NEK7: variants seen among roughly 807,000 people sequenced by gnomAD.
The protein encoded by NEK7 is serine/threonine-protein kinase Nek7.
A neutral mutation model predicts 44.6 loss-of-function variants in NEK7; 18 were observed. The observed-to-expected ratio is 0.40, with a 90% CI of 0.28 to 0.60. The LOEUF (loss-of-function observed/expected upper bound fraction) is 0.60. Among genes scored for constraint, NEK7 ranks in the 20% least tolerant of loss-of-function variants. The pLI is 0.38. For missense variants in NEK7, 256 were observed against 366.5 expected (o/e 0.70, Z 2.46); for synonymous variants, 130 against 121.1 (o/e 1.07, Z -0.48).
chr1:198,221,807 A>G (rs1028490998), intron 1 of NEK7, among the ~76,000 whole-genome samples: 15 of 152,008 alleles, frequency 9.9e-5, no homozygotes. Context: ...GCTGATAATT[A>G]TCTTAGGATT....
rs1310646463 is a variant in NEK7 at position 198,321,493 on chromosome 1, C to T, written c.*1971C>T. On this transcript the variant is annotated 3_prime_UTR_variant, in exon 10 of 10. Transcript: ENST00000367385. The stretch of plus-strand genomic sequence containing the variant: ...AACAGATACTCTCTTTTTTTTCTTG[C>T]AATCTTTAAGAATACATAGATCTAA... 6.6e-6 allele frequency: 1 copy of T among 151,822 alleles called. No individual in the cohort carries two copies. Among genetic ancestry groups the T allele is most frequent in the Non-Finnish European group, 1.5e-5 (1 of 67,914 alleles). 9.4% of individuals were successfully genotyped at this position (151,822 alleles called of 1,614,324 possible). A position where few individuals can be genotyped will look rare whatever the true frequency, so the allele number is the denominator to read the frequency against.
At chr1:198,231,299 GTGTATATATATA>G (rs547100581) in intron 1 of NEK7, among the ~76,000 whole-genome samples, 9,484 of 98,272 alleles carry the variant, frequency 0.097, 503 homozygotes, top group East Asian at 0.3. Context: ...GTATGTGTGT[GTGTATATATATA>G]TATATATATA....
In NEK7 at chr1:198,293,010, A is replaced by G; in HGVS notation, c.655A>G (p.Ile219Val). The change falls in exon 8 of 10, where the codon ATC becomes GTC. Residue 219 changes from isoleucine to valine, a missense_variant. Transcript: ENST00000367385. ...AAATGGATACAACTTCAAATCTGAC[A>G]TCTGGTCTCTTGGCTGTCTACTATA... ...HENGYNFKSD[I>V]WSLGCLLYEM... 1.3e-6 allele frequency: 2 copies of G among 1,593,338 alleles called. No homozygotes were observed. The highest frequency in any genetic ancestry group is 1.7e-6 in the Non-Finnish European group (2 of 1,161,522).
chr1:198,262,692 A>G (rs752085666), intron 4 of NEK7, 55 bp downstream of exon 4: 6 of 1,063,584 alleles, frequency 5.6e-6, no homozygotes, highest in Non-Finnish European at 8.3e-6. Context: ...AAAGTGATTT[A>G]CTAAAATATC....
chr1:198,222,737 C>T (rs12087183), intron 1 of NEK7, among the ~76,000 whole-genome samples: 19,894 of 152,016 alleles, frequency 0.13, 1,990 homozygotes, highest in East Asian at 0.57. Context: ...CTGATGAATA[C>T]AGCAGGGAAC....
At chr1:198,292,448 G>A (rs891457236) in intron 7 of NEK7, among the ~76,000 whole-genome samples, 5 of 151,916 alleles carry the variant, frequency 3.3e-5, no homozygotes, top group Admixed American at 1.3e-4. Context: ...AAGGCATCAA[G>A]TGTTATATCA....
intron 1 of NEK7, among the ~76,000 whole-genome samples, chr1:198,159,070 A>G (rs1664011068): frequency 6.6e-6 from 1 of 152,162 alleles, no homozygotes; most frequent in Non-Finnish European, 1.5e-5. Context: ...GGAGCCCGGG[A>G]GCCCGGAGGA....
chr1:198,306,719 T>G (rs1048300818), intron 9 of NEK7, among the ~76,000 whole-genome samples: 2 of 152,172 alleles, frequency 1.3e-5, no homozygotes, highest in Admixed American at 6.6e-5. Flanking sequence ...TTAAACCAAA[T>G]TATTAACATT....
At chr1:198,176,964 G>T (rs1664621499) in intron 1 of NEK7, among the ~76,000 whole-genome samples, 1 of 152,042 alleles carries the variant, frequency 6.6e-6, no homozygotes, top group African/African-American at 2.4e-5. Flanking sequence ...GGAGCTACAG[G>T]TTTATAAATC....
At chr1:198,225,013 C>T (rs1462727461) in intron 1 of NEK7, among the ~76,000 whole-genome samples, 1 of 151,914 alleles carries the variant, frequency 6.6e-6, no homozygotes, top group Non-Finnish European at 1.5e-5. Flanking sequence ...AGTGAAGATA[C>T]AAATTTCAGA....
intron 9 of NEK7, among the ~76,000 whole-genome samples, chr1:198,313,727 G>T (rs561402672): frequency 2.7e-5 from 3 of 112,850 alleles, no homozygotes; most frequent in African/African-American, 1.3e-4. Context: ...ATGAAATTCT[G>T]GGTTGAAAAT....
chr1:198,313,555 G>C (rs7541005), intron 9 of NEK7, among the ~76,000 whole-genome samples: 51,469 of 116,804 alleles, frequency 0.44, 14,001 homozygotes, highest in East Asian at 0.87. Flanking sequence ...TACATTTTGG[G>C]ATGATTTTGC....
At chr1:198,319,386 G>T (rs200834585) in intron 9 of NEK7, 26 bp from the exon 10 acceptor site, 1 of 1,548,654 alleles carries the variant, frequency 6.5e-7, no homozygotes, top group African/African-American at 1.4e-5. Flanking sequence ...TCTTAATCAG[G>T]TTTTATTGTT....
rs542589846 is a variant in NEK7, at chr1:198,228,514, T to TC, written c.-28-4037dup. 2.0e-3 allele frequency among the ~76,000 whole-genome samples: 298 copies of TC among 147,162 alleles called. 1 individual carries two copies. The highest frequency in any genetic ancestry group is 7.2e-3 in the African/African-American group (275 of 38,448). On this transcript the variant is annotated intron_variant, in intron 1 of 9. Transcript: ENST00000367385. Reference sequence around the variant, plus strand: ...CCTACCCATGAGCATGGAATGTTCTTCCATTTCTTTGTATCCTCTTTTATT... The same window carrying TC: ...CCTACCCATGAGCATGGAATGTTCTTCCCATTTCTTTGTATCCTCTTTTATT...
intron 9 of NEK7, among the ~76,000 whole-genome samples, chr1:198,317,035 G>A (rs1655390810): frequency 6.6e-6 from 1 of 152,086 alleles, no homozygotes; most frequent in Non-Finnish European, 1.5e-5. Context: ...TAATTTCGTA[G>A]GTTTTCTTTC....
At chr1:198,236,486 A>G (rs549741506) in intron 2 of NEK7, among the ~76,000 whole-genome samples, 1 of 152,286 alleles carries the variant, frequency 6.6e-6, no homozygotes, top group South Asian at 2.1e-4. Context: ...TCCTTAGCGC[A>G]TCCACTCCCT....
chr1:198,191,898 C>G (rs1665084502), intron 1 of NEK7, among the ~76,000 whole-genome samples: 1 of 152,066 alleles, frequency 6.6e-6, no homozygotes, highest in Non-Finnish European at 1.5e-5. Flanking sequence ...GTCTATACTT[C>G]ATCCACTTGC....
At chr1:198,269,324 G>A (rs1386662255) in intron 5 of NEK7, among the ~76,000 whole-genome samples, 1 of 152,078 alleles carries the variant, frequency 6.6e-6, no homozygotes, top group Non-Finnish European at 1.5e-5. Flanking sequence ...TTATGCTCTC[G>A]TTTCATAGAG....
chr1:198,289,131 T>TTGTGTGTG (rs71133921), intron 7 of NEK7, among the ~76,000 whole-genome samples: 25 of 148,870 alleles, frequency 1.7e-4, no homozygotes, highest in African/African-American at 6.1e-4. Flanking sequence ...TTCCCTGAAG[T>TTGTGTGTG]TGTGTGTGTG....
Sources: allele counts gnomAD v4.1 joint callset (sites outside exome capture counted in the v4.1 genomes callset), GRCh38; gene constraint gnomAD v4.1.1; transcripts MANE v1.5; gene names NCBI Gene and HGNC (gene_info 2026-07-23, HGNC 2026-07-21).